Variants in PPP1R12A observed in about 807,000 individuals in gnomAD.
The protein encoded by PPP1R12A is myosin binding subunit.
PPP1R12A carries 19 observed loss-of-function variants against 139.6 expected under a neutral mutation model. The ratio of observed to expected loss-of-function variants is 0.14; its 90% CI spans 0.09 to 0.20. PPP1R12A has a LOEUF of 0.20. Ranked by LOEUF, PPP1R12A falls within the 10% of genes least tolerant of loss-of-function variation. The probability of loss-of-function intolerance (pLI) is 1.00; values close to 1 mark genes in which losing one functional copy is unlikely to be tolerated. For missense variants in PPP1R12A, 925 were observed against 1,211.5 expected, an observed-to-expected ratio of 0.76 and a Z score of 3.51; for synonymous variants, 427 against 420.6, an observed-to-expected ratio of 1.02 and a Z score of -0.19.
chr12:79,803,420 C>T (rs1390427148), intron 14 of PPP1R12A, among the ~76,000 whole-genome samples: 1 of 152,148 alleles, frequency 6.6e-6, no homozygotes, highest in African/African-American at 2.4e-5. Context: ...TGACCTACTG[C>T]ATCTCTTTCT....
chr12:79,780,345 C>T (rs934968289), intron 23 of PPP1R12A: 8 of 151,826 alleles, frequency 5.3e-5, no homozygotes, highest in African/African-American at 1.9e-4. Flanking sequence ...ACTATTAATA[C>T]CATGATTATA....
intron 20 of PPP1R12A, 76 bp downstream of exon 20, chr12:79,790,391 T>A: frequency 9.6e-7 from 1 of 1,046,848 alleles, no homozygotes; most frequent in South Asian, 2.1e-5. Context: ...ACAAAATCCA[T>A]AAATTCCTAG....
chr12:79,778,883 G>A, intron 23 of PPP1R12A: 1 of 247,848 alleles, frequency 4.0e-6, no homozygotes, highest in Non-Finnish European at 7.9e-6. Flanking sequence ...AAAACTTAGA[G>A]TGAATCAATA....
chr12:79,880,822 C>A (rs1185013041), intron 1 of PPP1R12A, among the ~76,000 whole-genome samples: 1 of 152,018 alleles, frequency 6.6e-6, no homozygotes, highest in Non-Finnish European at 1.5e-5. Context: ...TTGTGGCAAC[C>A]CCGTGTCAGG....
At chr12:79,834,032 T>C (rs1307037875) in intron 3 of PPP1R12A, among the ~76,000 whole-genome samples, 1 of 152,152 alleles carries the variant, frequency 6.6e-6, no homozygotes, top group Non-Finnish European at 1.5e-5. Context: ...ATACATTTAA[T>C]ATATACTGAG....
intron 2 of PPP1R12A, among the ~76,000 whole-genome samples, chr12:79,845,929 T>C (rs1433625484): frequency 2.0e-4 from 2 of 9,950 alleles, no homozygotes; most frequent in Non-Finnish European, 1.2e-3. Context: ...GAAAGTCTCA[T>C]AGGATCCACC....
intron 1 of PPP1R12A, among the ~76,000 whole-genome samples, chr12:79,918,328 A>G (rs759736609): frequency 1.3e-5 from 2 of 152,194 alleles, no homozygotes; most frequent in African/African-American, 2.4e-5. Flanking sequence ...TATTAGTTAT[A>G]GTTAGGCCAC....
At chr12:79,878,720 T>A (rs1186365193) in intron 1 of PPP1R12A, among the ~76,000 whole-genome samples, 3 of 152,050 alleles carry the variant, frequency 2.0e-5, no homozygotes, top group East Asian at 3.9e-4. Flanking sequence ...AAAAGTCCCT[T>A]ATAAAACCAT....
intron 19 of PPP1R12A, 184 bp downstream of exon 19, chr12:79,793,679 T>A (rs1872160582): frequency 3.9e-6 from 2 of 507,194 alleles, no homozygotes; most frequent in Non-Finnish European, 6.8e-6. Context: ...CTCCAAAACA[T>A]TATTTTGTGA....
At chr12:79,885,662 CAAAAG>C (rs1188462749) in intron 1 of PPP1R12A, among the ~76,000 whole-genome samples, 1 of 151,876 alleles carries the variant, frequency 6.6e-6, no homozygotes, top group Non-Finnish European at 1.5e-5. Context: ...AAGAGCAAAG[CAAAAG>C]AAAAGAGTTG....
At chr12:79,873,515 AC>A (rs1441214803) in intron 1 of PPP1R12A, among the ~76,000 whole-genome samples, 2 of 151,114 alleles carry the variant, frequency 1.3e-5, no homozygotes, top group South Asian at 2.1e-4. Context: ...AAAAAAAAAA[AC>A]ATTGCTAAGC....
intron 2 of PPP1R12A, among the ~76,000 whole-genome samples, chr12:79,868,051 A>T (rs540328794): frequency 2.3e-4 from 35 of 152,326 alleles, no homozygotes; most frequent in African/African-American, 8.2e-4. Flanking sequence ...AGTAGAGATG[A>T]GAAAGTTTCT....
chr12:79,779,297 G>A (rs555139368), intron 23 of PPP1R12A: 873 of 1,287,856 alleles, frequency 6.8e-4, no homozygotes, highest in Non-Finnish European at 8.4e-4. Flanking sequence ...TAATTGATGA[G>A]CTGTAAAACT....
chr12:79,827,256 TTTCC>T (rs1876906000), intron 5 of PPP1R12A, among the ~76,000 whole-genome samples: 1 of 152,158 alleles, frequency 6.6e-6, no homozygotes, highest in Admixed American at 6.5e-5. Context: ...ATTTTTTTAC[TTTCC>T]TTAAGACTTT....
At chr12:79,918,858 G>A (rs188098860) in intron 1 of PPP1R12A, among the ~76,000 whole-genome samples, 2 of 152,346 alleles carry the variant, frequency 1.3e-5, no homozygotes, top group Non-Finnish European at 2.9e-5. Flanking sequence ...GCTCACGCCT[G>A]TAATCCCAGC....
At chr12:79,908,654 T>C (rs770540261) in intron 1 of PPP1R12A, among the ~76,000 whole-genome samples, 49 of 152,206 alleles carry the variant, frequency 3.2e-4, no homozygotes, top group Non-Finnish European at 5.3e-4. Flanking sequence ...TTTTACACAA[T>C]GTCTTCTGAT....
chr12:79,845,482 C>G (rs1050267923), intron 2 of PPP1R12A, 62 bp from the exon 3 acceptor site: 1 of 1,194,076 alleles, frequency 8.4e-7, no homozygotes, highest in African/African-American at 1.5e-5. Flanking sequence ...AAACTAAATG[C>G]ATAACCAATG....
At position 79,793,903 on chromosome 12, in the gene PPP1R12A, T is replaced by G; in HGVS notation, c.2609A>C (p.Gln870Pro). 3 of 1,594,248 alleles carry G rather than the reference T, an allele frequency of 1.9e-6. No individual in the cohort carries two copies. The highest frequency in any genetic ancestry group is 2.6e-6 in the Non-Finnish European group (3 of 1,171,782). Residue 870 changes from glutamine (Q) to proline (P), a missense_variant, in exon 19 of 25, where the codon CAA becomes CCA. Transcript: ENST00000450142. ...QDSDENEQEQ[Q>P]SDTEEGSNKK... Reference sequence around the variant, plus strand: ...ATTGGATCCCTCTTCTGTGTCTGATTGTTGTTCTTGTTCATTTTCATCACT... The same window carrying G: ...ATTGGATCCCTCTTCTGTGTCTGATGGTTGTTCTTGTTCATTTTCATCACT...
chr12:79,844,079 T>C (rs1211657046), intron 3 of PPP1R12A, among the ~76,000 whole-genome samples: 2 of 151,914 alleles, frequency 1.3e-5, no homozygotes, highest in Non-Finnish European at 2.9e-5. Flanking sequence ...AGCATTTACA[T>C]AGCATTTAAA....
Sources: gnomAD v4.1 joint callset for allele counts (sites outside exome capture counted in the v4.1 genomes callset) on GRCh38, gnomAD v4.1.1 for gene constraint, MANE v1.5 for transcripts, NCBI Gene and HGNC (gene_info 2026-07-23, HGNC 2026-07-21) for gene names.